TMEM135: variants seen among roughly 807,000 people sequenced by gnomAD.
TMEM135 encodes the protein peroxisomal membrane protein 52.
TMEM135 carries 30 observed loss-of-function variants against 60.3 expected under a neutral mutation model. That is an observed-to-expected ratio of 0.50 (90% CI 0.37 to 0.68). TMEM135 has a LOEUF of 0.68. TMEM135 is among the 30% of genes least tolerant of loss of function. The pLI, the probability that TMEM135 is intolerant of heterozygous loss-of-function variation, is 0.00. For synonymous variants in TMEM135, 190 were observed against 186.7 expected (o/e 1.02, Z -0.14); for missense variants, 468 against 548.8 (o/e 0.85, Z 1.47).
chr11:87,239,202 T>A (rs1226826119), intron 6 of TMEM135, among the ~76,000 whole-genome samples: 2 of 152,070 alleles, frequency 1.3e-5, no homozygotes, highest in African/African-American at 4.8e-5. Flanking sequence ...TCCAGAAGGC[T>A]CAATACAAGG....
chr11:87,298,158 C>T (rs1234333989), intron 7 of TMEM135, among the ~76,000 whole-genome samples: 2 of 151,902 alleles, frequency 1.3e-5, no homozygotes, highest in African/African-American at 2.4e-5. Context: ...TATAGCAAGT[C>T]AAAAGTGCAA....
At chr11:87,256,243 C>T (rs574749710) in intron 6 of TMEM135, among the ~76,000 whole-genome samples, 4 of 152,146 alleles carry the variant, frequency 2.6e-5, no homozygotes, top group Non-Finnish European at 4.4e-5. Context: ...ACTATATAAA[C>T]TTACATACCT....
intron 5 of TMEM135, among the ~76,000 whole-genome samples, chr11:87,215,732 T>A (rs1940485430): frequency 6.6e-6 from 1 of 152,222 alleles, no homozygotes; most frequent in Non-Finnish European, 1.5e-5. Context: ...GCAAGGGAAG[T>A]ATGCATACAG....
chr11:87,305,440 T>G (rs1369727867), intron 8 of TMEM135, among the ~76,000 whole-genome samples: 1 of 152,142 alleles, frequency 6.6e-6, no homozygotes, highest in Non-Finnish European at 1.5e-5. Context: ...TTGTTCTTGC[T>G]TCTGTATCTC....
chr11:87,231,596 G>A (rs1940890493), intron 5 of TMEM135, among the ~76,000 whole-genome samples: 1 of 152,102 alleles, frequency 6.6e-6, no homozygotes, highest in Admixed American at 6.6e-5. Flanking sequence ...ATTTAGAATG[G>A]CTGACAGCCA....
intron 4 of TMEM135, among the ~76,000 whole-genome samples, chr11:87,128,011 C>G (rs1937786156): frequency 6.6e-6 from 1 of 152,144 alleles, no homozygotes; most frequent in Admixed American, 6.5e-5. Context: ...AATAAGTGTT[C>G]TATCTCATCA....
rs1026913094 is a variant in TMEM135, at chr11:87,169,142, C to T, written c.462+11736C>T. Among the ~76,000 whole-genome samples the T allele has an allele frequency of 6.6e-5, 10 of 151,020 alleles. No individual in the cohort carries two copies. In the East Asian group the frequency reaches 1.9e-3, roughly 29 times the overall value. ...TGCAAACCTTGCTTTTTTTTGCTTTCCATTTACTCTGTAAATTCTTCCTCC... is the reference window on the plus strand; with the variant it reads ...TGCAAACCTTGCTTTTTTTTGCTTTTCATTTACTCTGTAAATTCTTCCTCC... On this transcript the variant is annotated intron_variant, in intron 5 of 14. Transcript: ENST00000305494.
At chr11:87,152,243 T>A (rs149490421) in intron 4 of TMEM135, among the ~76,000 whole-genome samples, 26 of 152,294 alleles carry the variant, frequency 1.7e-4, no homozygotes, top group African/African-American at 6.0e-4. Flanking sequence ...GTCTGTCCCT[T>A]ATTGTGTTCT....
chr11:87,260,533 T>C (rs1181902336), intron 6 of TMEM135, among the ~76,000 whole-genome samples: 1 of 64,420 alleles, frequency 1.6e-5, no homozygotes, highest in Admixed American at 1.5e-4. Flanking sequence ...TATTATCTAT[T>C]TTTTTTTGGA....
At chr11:87,053,975 G>A (rs1196726155) in intron 1 of TMEM135, among the ~76,000 whole-genome samples, 1 of 152,152 alleles carries the variant, frequency 6.6e-6, no homozygotes, top group Non-Finnish European at 1.5e-5. Flanking sequence ...TAGTTAATAA[G>A]TATTTGTTAG....
intron 6 of TMEM135, among the ~76,000 whole-genome samples, chr11:87,237,764 T>C (rs942649343): frequency 2.6e-5 from 4 of 151,924 alleles, no homozygotes; most frequent in Non-Finnish European, 4.4e-5. Flanking sequence ...ATAGTAGGTC[T>C]CATTCTTTCT....
chr11:87,179,142 A>G lies in TMEM135; in HGVS notation c.462+21736A>G, dbSNP rs578029315. On this transcript the variant is annotated intron_variant, in intron 5 of 14. Transcript: ENST00000305494. ...GACTAGTGATGTTGGACTTCTTTTC[A>G]TAGTGCTTATTGGGCATTTGTATAC... is the stretch of plus-strand genomic sequence containing the variant. 2.6e-5 allele frequency among the ~76,000 whole-genome samples: 4 copies of G among 152,106 alleles called. No homozygotes were observed. In the South Asian group the frequency reaches 8.3e-4, roughly 32 times the overall value.
intron 6 of TMEM135, among the ~76,000 whole-genome samples, chr11:87,240,870 T>A (rs1370091347): frequency 1.5e-5 from 2 of 137,688 alleles, no homozygotes; most frequent in African/African-American, 5.5e-5. Flanking sequence ...AAATCCAAGT[T>A]TATTTTAACA....
chr11:87,238,605 A>G (rs935369129), intron 6 of TMEM135, among the ~76,000 whole-genome samples: 6 of 152,040 alleles, frequency 3.9e-5, no homozygotes, highest in African/African-American at 7.2e-5. Flanking sequence ...CCTCTTTCCT[A>G]TATTTTAATA....
intron 1 of TMEM135, among the ~76,000 whole-genome samples, chr11:87,049,794 C>T (rs1164500450): frequency 1.0e-5 from 1 of 99,232 alleles, no homozygotes; most frequent in African/African-American, 4.8e-5. Flanking sequence ...AGGAATTGAA[C>T]TCAGCTCTGC....
intron 5 of TMEM135, among the ~76,000 whole-genome samples, chr11:87,194,664 T>G (rs1939891092): frequency 6.6e-6 from 1 of 152,166 alleles, no homozygotes; most frequent in African/African-American, 2.4e-5. Context: ...CCTAATTTAT[T>G]ATATTGAACA....
intron 5 of TMEM135, among the ~76,000 whole-genome samples, chr11:87,170,611 C>G (rs555688333): frequency 3.3e-5 from 5 of 152,206 alleles, no homozygotes; most frequent in African/African-American, 1.2e-4. Flanking sequence ...GGGTATTCAC[C>G]AGCTGAGGCT....
Position 87,265,969 on chromosome 11 carries a change from C to G in TMEM135, c.509+29285C>G, listed in dbSNP as rs144615211. Among the ~76,000 whole-genome samples, 213 of 152,232 alleles carry G rather than the reference C, an allele frequency of 1.4e-3. 1 individual carries two copies. Among genetic ancestry groups the G allele is most frequent in the African/African-American group, 4.9e-3 (202 of 41,560 alleles). On this transcript the variant is annotated intron_variant, in intron 6 of 14. Transcript: ENST00000305494. Reference sequence around the variant, plus strand: ...CTGAGCTATTGATCTATTAGCCTTACAGCTAAAAGGTTTTCTTGAAATCCT... The same window carrying G: ...CTGAGCTATTGATCTATTAGCCTTAGAGCTAAAAGGTTTTCTTGAAATCCT...
intron 2 of TMEM135, among the ~76,000 whole-genome samples, chr11:87,071,193 T>C (rs371781600): frequency 6.6e-6 from 1 of 152,090 alleles, no homozygotes; most frequent in Non-Finnish European, 1.5e-5. Flanking sequence ...GGGCAGTAGG[T>C]TGGAGAGGAA....
Sources: gnomAD v4.1 joint callset for allele counts (sites outside exome capture counted in the v4.1 genomes callset) on GRCh38, gnomAD v4.1.1 for gene constraint, MANE v1.5 for transcripts, NCBI Gene and HGNC (gene_info 2026-07-23, HGNC 2026-07-21) for gene names.